The following TAS2R1 variants were observed in gnomAD, a reference collection of about 807,000 sequenced individuals.
TAS2R1 encodes taste receptor type 2 member 1.
For synonymous variants in TAS2R1, 141 were observed against 134.2 expected, an observed-to-expected ratio of 1.05 and a Z score of -0.35; for missense variants, 370 against 353.4, an observed-to-expected ratio of 1.05 and a Z score of -0.38.
chr5:9,843,267 T>A, the TAS2R1 span, among the ~76,000 whole-genome samples: 1 of 152,222 alleles, frequency 6.6e-6, no homozygotes, highest in Non-Finnish European at 1.5e-5. Context: ...AATAAATATT[T>A]ACTCTGTCTT....
At chr5:9,703,317 T>A (rs930039759) in intron 1 of TAS2R1, among the ~76,000 whole-genome samples, 1 of 152,072 alleles carries the variant, frequency 6.6e-6, no homozygotes, top group African/African-American at 2.4e-5. Flanking sequence ...CAAACCAACA[T>A]CCTCCAAACA....
At chr5:9,678,328 T>C (rs1288901429) in intron 1 of TAS2R1, among the ~76,000 whole-genome samples, 1 of 152,176 alleles carries the variant, frequency 6.6e-6, no homozygotes. Flanking sequence ...TTTATACTGT[T>C]GGTGGGAATG....
the TAS2R1 span, among the ~76,000 whole-genome samples, chr5:9,862,565 G>A: frequency 7.3e-5 from 11 of 150,998 alleles, no homozygotes; most frequent in South Asian, 2.3e-3. Flanking sequence ...TTTAGCACTT[G>A]TGTAATCTAC....
chr5:9,635,392 T>C (rs1739944364), intron 2 of TAS2R1, among the ~76,000 whole-genome samples: 1 of 152,134 alleles, frequency 6.6e-6, no homozygotes, highest in African/African-American at 2.4e-5. Flanking sequence ...ATCAGGGATA[T>C]TGGTCTGTAG....
intron 1 of TAS2R1, among the ~76,000 whole-genome samples, chr5:9,706,421 G>A (rs903051611): frequency 2.0e-5 from 3 of 152,192 alleles, no homozygotes; most frequent in Non-Finnish European, 2.9e-5. Flanking sequence ...GGGGTCTTCC[G>A]AGCAATTCCC....
chr5:9,788,067 T>C, the TAS2R1 span, among the ~76,000 whole-genome samples: 4 of 152,192 alleles, frequency 2.6e-5, no homozygotes, highest in Non-Finnish European at 2.9e-5. Context: ...GCCAGAATCA[T>C]GGGGTGTTCA....
the TAS2R1 span, among the ~76,000 whole-genome samples, chr5:9,773,395 CA>C: frequency 6.6e-6 from 1 of 151,878 alleles, no homozygotes; most frequent in South Asian, 2.1e-4. Context: ...CTGTTTGTAG[CA>C]ATTTATTTTG....
intron 2 of TAS2R1, among the ~76,000 whole-genome samples, chr5:9,648,173 C>A (rs1222082053): frequency 6.6e-6 from 1 of 152,044 alleles, no homozygotes; most frequent in Non-Finnish European, 1.5e-5. Flanking sequence ...AATACTTCAA[C>A]ATGCAAGAGA....
At chr5:9,733,993 T>C in the TAS2R1 span, among the ~76,000 whole-genome samples, 1 of 152,082 alleles carries the variant, frequency 6.6e-6, no homozygotes, top group South Asian at 2.1e-4. Flanking sequence ...TCCCTGAAAA[T>C]TTGGATGTTG....
the TAS2R1 span, among the ~76,000 whole-genome samples, chr5:9,893,872 G>A: frequency 6.6e-6 from 1 of 152,180 alleles, no homozygotes; most frequent in Non-Finnish European, 1.5e-5. Flanking sequence ...GATTGGATGG[G>A]TGTGAGAACT....
intron 1 of TAS2R1, among the ~76,000 whole-genome samples, chr5:9,689,312 C>T (rs1275346301): frequency 2.0e-5 from 3 of 152,104 alleles, no homozygotes; most frequent in African/African-American, 7.2e-5. Flanking sequence ...TGAGGCAGTC[C>T]TTCTCGAAGG....
intron 1 of TAS2R1, among the ~76,000 whole-genome samples, chr5:9,707,216 C>G (rs939940306): frequency 6.6e-6 from 1 of 152,122 alleles, no homozygotes; most frequent in South Asian, 2.1e-4. Context: ...GGTGGTGGAG[C>G]TGGGAGAAGA....
the TAS2R1 span, among the ~76,000 whole-genome samples, chr5:9,780,690 T>TGC: frequency 2.5e-3 from 373 of 152,000 alleles, 1 homozygote; most frequent in Middle Eastern, 3.4e-3. Context: ...TGTGTGTGTG[T>TGC]GCGCGCGCGC....
At chr5:9,851,232 A>C in the TAS2R1 span, among the ~76,000 whole-genome samples, 59 of 152,362 alleles carry the variant, frequency 3.9e-4, no homozygotes, top group South Asian at 8.7e-3. Flanking sequence ...TTGATAACCT[A>C]GTTGCAGTAA....
the TAS2R1 span, among the ~76,000 whole-genome samples, chr5:9,720,508 A>G: frequency 6.6e-6 from 1 of 152,260 alleles, no homozygotes; most frequent in Non-Finnish European, 1.5e-5. Context: ...TAGGCCAAAG[A>G]AAATCACACA....
the TAS2R1 span, among the ~76,000 whole-genome samples, chr5:9,780,102 A>G: frequency 6.6e-6 from 1 of 152,142 alleles, no homozygotes; most frequent in Non-Finnish European, 1.5e-5. Context: ...CCCCCTTTCT[A>G]CAAGATCATT....
At chr5:9,747,915 G>A in the TAS2R1 span, among the ~76,000 whole-genome samples, 1 of 152,038 alleles carries the variant, frequency 6.6e-6, no homozygotes, top group Non-Finnish European at 1.5e-5. Flanking sequence ...GTGTCACAAG[G>A]TACCTGGGGA....
At chr5:9,684,985 C>T (rs1349731388) in intron 1 of TAS2R1, among the ~76,000 whole-genome samples, 3 of 152,164 alleles carry the variant, frequency 2.0e-5, no homozygotes, top group Non-Finnish European at 4.4e-5. Flanking sequence ...ACCACACAGA[C>T]CCCGGGAGCA....
chr5:9,683,176 T>C (rs1005377947), intron 1 of TAS2R1, among the ~76,000 whole-genome samples: 1 of 151,948 alleles, frequency 6.6e-6, no homozygotes. Context: ...ATAATATGTA[T>C]CCTAATAATT....
Sources: gnomAD v4.1 joint callset for allele counts (sites outside exome capture counted in the v4.1 genomes callset) on GRCh38, gnomAD v4.1.1 for gene constraint, MANE v1.5 for transcripts, NCBI Gene and HGNC (gene_info 2026-07-23, HGNC 2026-07-21) for gene names.